Variants in ENKUR observed in about 807,000 individuals in gnomAD.
ENKUR encodes the protein enkurin.
Under a neutral mutation model 27.6 loss-of-function variants are expected in ENKUR, and 19 were observed. That is an observed-to-expected ratio of 0.69 (90% CI 0.48 to 1.01). The LOEUF is 1.01. Ranked by LOEUF, ENKUR falls within the 50% of genes least tolerant of loss-of-function variation. ENKUR has a pLI of 0.00. For synonymous variants in ENKUR, 117 were observed against 96.9 expected (o/e 1.21, Z -1.22); for missense variants, 312 against 310.5 (o/e 1.00, Z -0.04).
intron 2 of ENKUR, among the ~76,000 whole-genome samples, chr10:25,038,255 C>G (rs1385874350): frequency 1.3e-5 from 2 of 152,174 alleles, no homozygotes; most frequent in Admixed American, 1.3e-4. Flanking sequence ...TGACCAAAGT[C>G]TGATAACTGT....
chr10:25,040,609 AT>A (rs763565687), intron 2 of ENKUR, among the ~76,000 whole-genome samples: 3 of 152,074 alleles, frequency 2.0e-5, no homozygotes, highest in Non-Finnish European at 4.4e-5. Context: ...TGACCGCGTG[AT>A]CCACCCACCT....
chr10:25,055,432 A>G (rs1006787307), intron 2 of ENKUR, among the ~76,000 whole-genome samples: 5 of 151,512 alleles, frequency 3.3e-5, no homozygotes, highest in Non-Finnish European at 5.9e-5. Context: ...CCTTAACCCA[A>G]TGCTCTGTGA....
chr10:25,017,496 T>C (rs1209141817), upstream of ENKUR, among the ~76,000 whole-genome samples: 1 of 151,930 alleles, frequency 6.6e-6, no homozygotes, highest in Non-Finnish European at 1.5e-5. Context: ...GCTGGCGGAG[T>C]GATTAAAACA....
chr10:25,025,453 T>C, intron 2 of ENKUR: 11 of 1,594,362 alleles, frequency 6.9e-6, no homozygotes, highest in Non-Finnish European at 8.5e-6. Flanking sequence ...TCAATTCATA[T>C]GAAAGCTTTC....
chr10:24,999,160 G>C (rs1850132519), intron 2 of ENKUR, among the ~76,000 whole-genome samples: 1 of 152,180 alleles, frequency 6.6e-6, no homozygotes, highest in East Asian at 1.9e-4. Flanking sequence ...AGATGGTGAT[G>C]CATGTGGGCT....
rs148157964 is a variant in ENKUR, at chr10:25,046,891, A to T, written c.37+14221T>A. Among the ~76,000 whole-genome samples the T allele has an allele frequency of 5.5e-3, 832 of 152,272 alleles. 3 individuals are homozygous for T. The highest frequency in any genetic ancestry group is 0.01 in the Middle Eastern group (3 of 294). The stretch of plus-strand genomic sequence containing the variant: ...ACTTGAAAGTAAGCCCTCTGTGTTA[A>T]TTTCCATCCTCTAGAAATTCAGGAT... On this transcript the variant is annotated intron_variant, in intron 2 of 5. Transcript: ENST00000615958.
At position 25,016,120 on chromosome 10, in the gene ENKUR, A is replaced by G. The variant is rs1486831986; in HGVS notation, c.-184T>C. 7.9e-7 allele frequency: 1 copy of G among 1,262,774 alleles called. No individual in the cohort carries two copies. The highest frequency in any genetic ancestry group is 1.0e-6 in the Non-Finnish European group (1 of 1,002,532). The allele number at this position is 1,262,774 out of a possible 1,614,324, so 78.2% of individuals were successfully genotyped here. A position where few individuals can be genotyped will look rare whatever the true frequency, so the allele number is the denominator to read the frequency against. ...AGCAGTCCTCTCTCGGGAAGAAAAC[A>G]CCCTATTTCTCTCCGGATTGCTAAG... On this transcript the variant is annotated 5_prime_UTR_variant, in exon 1 of 6. Coordinates refer to ENST00000331161, the MANE Select transcript of ENKUR (RefSeq NM_145010.4).
chr10:25,059,918 C>A (rs547642529), intron 2 of ENKUR, among the ~76,000 whole-genome samples: 3 of 152,192 alleles, frequency 2.0e-5, no homozygotes, highest in South Asian at 4.2e-4. Context: ...GCTAAAAAAC[C>A]CTGGATGAAT....
intron 2 of ENKUR, among the ~76,000 whole-genome samples, chr10:25,057,472 G>A (rs902876943): frequency 2.6e-5 from 4 of 151,412 alleles, no homozygotes; most frequent in African/African-American, 9.7e-5. Flanking sequence ...TGAATGCTGG[G>A]AAGATTAAGG....
At chr10:25,013,076 C>G (rs993028936) in intron 1 of ENKUR, among the ~76,000 whole-genome samples, 1 of 152,182 alleles carries the variant, frequency 6.6e-6, no homozygotes, top group African/African-American at 2.4e-5. Context: ...TTCCCCTGCA[C>G]ACACTCTCTT....
intron 1 of ENKUR, among the ~76,000 whole-genome samples, chr10:25,000,854 T>G (rs182999744): frequency 1.5e-3 from 234 of 152,208 alleles, no homozygotes; most frequent in Non-Finnish European, 3.1e-3. Flanking sequence ...TATCTTGCTT[T>G]TCATTTTGTT....
chr10:25,032,318 G>T (rs10828743), intron 2 of ENKUR, among the ~76,000 whole-genome samples: 37,522 of 149,850 alleles, frequency 0.25, 5,665 homozygotes, highest in East Asian at 0.51. Flanking sequence ...TAAAGAAGGG[G>T]GGGGGGCTAT....
rs144654878 is a variant in ENKUR, at chr10:25,027,928, G to A, written c.38-32059C>T. Among the ~76,000 whole-genome samples, 6 of 152,216 alleles carry A rather than the reference G, an allele frequency of 3.9e-5. No homozygotes were observed. The East Asian group carries it at 9.7e-4, about 25-fold the overall frequency. ...AACGAGACAACGCAAAAATTCAGTC[G>A]TACAAGCAAAAGAGTTATTGCAAGA... On this transcript the variant is annotated intron_variant, in intron 2 of 5. Coordinates refer to the ENKUR transcript ENST00000615958.
At chr10:24,989,772 TAAAC>T (rs1051102813) in intron 4 of ENKUR, among the ~76,000 whole-genome samples, 3 of 152,020 alleles carry the variant, frequency 2.0e-5, no homozygotes, top group African/African-American at 4.8e-5. Flanking sequence ...AAATGAAAAA[TAAAC>T]AAAGAATTAA....
chr10:25,045,853 G>C (rs965623036), intron 2 of ENKUR, among the ~76,000 whole-genome samples: 1 of 152,154 alleles, frequency 6.6e-6, no homozygotes, highest in African/African-American at 2.4e-5. Context: ...CTATCAAGTT[G>C]AAGTAACTGT....
In ENKUR at chr10:25,054,481, C is replaced by CTTTG. The variant is rs1399904474; in HGVS notation, c.37+6630_37+6631insCAAA. Among the ~76,000 whole-genome samples, 4 of 112,560 alleles carry CTTTG rather than the reference C, an allele frequency of 3.6e-5. No individual in the cohort carries two copies. In the Admixed American group the frequency reaches 4.0e-4, roughly 11 times the overall value. 73.8% of individuals were successfully genotyped at this position (112,560 alleles called of 152,430 possible). A position where few individuals can be genotyped will look rare whatever the true frequency, so the allele number is the denominator to read the frequency against. On this transcript the variant is annotated intron_variant, in intron 2 of 5. Coordinates refer to the ENKUR transcript ENST00000615958. Reference sequence around the variant, plus strand: ...CTTTTCTTTCTTTCTTTCTTTCTTTCTTTCTTTCTTTCTTTCTTTCTTTCT... The same window carrying CTTTG: ...CTTTTCTTTCTTTCTTTCTTTCTTTCTTTGTTTCTTTCTTTCTTTCTTTCTTTCT...
chr10:25,016,692 G>C (rs1220149799), upstream of ENKUR: 1 of 152,368 alleles, frequency 6.6e-6, no homozygotes, highest in African/African-American at 2.4e-5. Flanking sequence ...GCTAGCTGCA[G>C]GTACGGTGCT....
At chr10:25,002,199 G>T (rs1466602756) in intron 1 of ENKUR, among the ~76,000 whole-genome samples, 2 of 152,176 alleles carry the variant, frequency 1.3e-5, no homozygotes, top group South Asian at 4.1e-4. Flanking sequence ...GGGCTGGTGG[G>T]AACACGAACT....
In ENKUR at chr10:24,984,370, T is replaced by C. The variant is rs764725281; in HGVS notation, c.771A>G (p.Ter257TrpextTer10). ...AGTTTTCAAAGTTGTGCTGTTGGTATCATGCGCTGCAGAAAAAAAAAAAAA... is the reference window on the plus strand; with the variant it reads ...AGTTTTCAAAGTTGTGCTGTTGGTACCATGCGCTGCAGAAAAAAAAAAAAA... The part of the protein sequence containing the change: ...HKIIYIANNA[*>W] The change falls in exon 6 of 6, where the codon TGA (stop) becomes TGG (tryptophan). Residue 257 changes from the stop codon to tryptophan (W), a stop_lost. Coordinates refer to ENST00000331161, the MANE Select transcript of ENKUR (RefSeq NM_145010.4). The C allele has an allele frequency of 1.9e-6, 3 of 1,572,508 alleles. No homozygotes were observed. The highest frequency in any genetic ancestry group is 2.6e-6 in the Non-Finnish European group (3 of 1,164,492).
Sources: allele counts gnomAD v4.1 joint callset (sites outside exome capture counted in the v4.1 genomes callset), GRCh38; gene constraint gnomAD v4.1.1; transcripts MANE v1.5; gene names NCBI Gene and HGNC (gene_info 2026-07-23, HGNC 2026-07-21).